Variants in KHDRBS2 observed in about 807,000 individuals in gnomAD.
The protein encoded by KHDRBS2 is KH RNA binding domain containing, signal transduction associated 2.
A neutral mutation model predicts 44.3 loss-of-function variants in KHDRBS2; 26 were observed. The ratio of observed to expected loss-of-function variants is 0.59; its 90% CI spans 0.43 to 0.81. The LOEUF (loss-of-function observed/expected upper bound fraction) is 0.81, where lower values mean the gene tolerates loss of function less well. Ranked by LOEUF, KHDRBS2 falls within the 40% of genes least tolerant of loss-of-function variation. The pLI is 0.00. For missense variants in KHDRBS2, 476 were observed against 433.1 expected (o/e 1.10, Z -0.88); for synonymous variants, 194 against 151.1 (o/e 1.28, Z -2.08).
intron 7 of KHDRBS2, among the ~76,000 whole-genome samples, chr6:61,706,472 G>C (rs1769575781): frequency 6.6e-6 from 1 of 151,816 alleles, no homozygotes; most frequent in Non-Finnish European, 1.5e-5. Flanking sequence ...CATGGGCTGA[G>C]AGATTTAGAT....
At chr6:61,791,601 A>T (rs1312671576) in intron 6 of KHDRBS2, among the ~76,000 whole-genome samples, 1 of 151,468 alleles carries the variant, frequency 6.6e-6, no homozygotes, top group Non-Finnish European at 1.5e-5. Context: ...TCTTTTCATG[A>T]TAAATTATCC....
intron 2 of KHDRBS2, among the ~76,000 whole-genome samples, chr6:62,160,525 C>T (rs1488854548): frequency 6.6e-6 from 1 of 152,078 alleles, no homozygotes; most frequent in South Asian, 2.1e-4. Context: ...ATTGCAAACC[C>T]CTGTCTTTTA....
chr6:62,051,845 G>T (rs1789137943), intron 2 of KHDRBS2, among the ~76,000 whole-genome samples: 1 of 151,598 alleles, frequency 6.6e-6, no homozygotes, highest in Non-Finnish European at 1.5e-5. Context: ...CTTATAAAAA[G>T]AAATAAAAAT....
intron 6 of KHDRBS2, among the ~76,000 whole-genome samples, chr6:61,882,337 C>T (rs185999911): frequency 7.6e-4 from 115 of 152,048 alleles, no homozygotes; most frequent in African/African-American, 2.7e-3. Context: ...AAACTCACTT[C>T]ATACGGGTGT....
the KHDRBS2 span, among the ~76,000 whole-genome samples, chr6:61,640,390 T>C: frequency 9.2e-5 from 14 of 152,136 alleles, no homozygotes; most frequent in South Asian, 2.1e-4. Flanking sequence ...TATTCAGTTA[T>C]TTAAGACACT....
intron 1 of KHDRBS2, among the ~76,000 whole-genome samples, chr6:62,201,910 A>G (rs1457836522): frequency 6.6e-6 from 1 of 152,050 alleles, no homozygotes; most frequent in African/African-American, 2.4e-5. Context: ...AGAGCATATG[A>G]AATATATCTC....
chr6:61,887,817 C>T (rs1465875286), intron 6 of KHDRBS2, among the ~76,000 whole-genome samples: 5 of 152,106 alleles, frequency 3.3e-5, no homozygotes, highest in Non-Finnish European at 5.9e-5. Flanking sequence ...TTTTGTTTTT[C>T]TTACCCCTTG....
chr6:61,955,110 A>T (rs1310125676), intron 4 of KHDRBS2, among the ~76,000 whole-genome samples: 3 of 144,076 alleles, frequency 2.1e-5, no homozygotes, highest in Admixed American at 6.9e-5. Flanking sequence ...ATATATACAC[A>T]TATGTGTATA....
chr6:62,140,333 C>T (rs890241436), intron 2 of KHDRBS2, among the ~76,000 whole-genome samples: 6 of 152,088 alleles, frequency 3.9e-5, no homozygotes, highest in South Asian at 2.1e-4. Context: ...CAGTTAATGT[C>T]GATCTTAGGT....
intron 6 of KHDRBS2, among the ~76,000 whole-genome samples, chr6:61,830,106 T>C (rs1046095700): frequency 1.3e-5 from 2 of 152,084 alleles, no homozygotes; most frequent in Non-Finnish European, 2.9e-5. Flanking sequence ...AAAAGAAATA[T>C]AAAATATAAT....
At chr6:61,976,387 A>T (rs1323133151) in intron 4 of KHDRBS2, among the ~76,000 whole-genome samples, 1 of 152,140 alleles carries the variant, frequency 6.6e-6, no homozygotes, top group Non-Finnish European at 1.5e-5. Flanking sequence ...TCTGTCTAGG[A>T]AGTGAGCAAG....
chr6:62,143,067 AAC>A lies in KHDRBS2; in HGVS notation c.219+34116_219+34117del, dbSNP rs1813193238. Among the ~76,000 whole-genome samples, 5 of 151,946 alleles carry A rather than the reference AAC, an allele frequency of 3.3e-5. No individual in the cohort carries two copies. The South Asian group carries it at 1.0e-3, about 31-fold the overall frequency. On this transcript the variant is annotated intron_variant, in intron 2 of 8. Transcript: ENST00000281156. ...GCATCTGTGAAATCTTAAGCTCAAT[AAC>A]AGAGTTACCTTAAAGCTAATTATAA...
the KHDRBS2 span, among the ~76,000 whole-genome samples, chr6:61,619,611 C>T: frequency 2.1e-3 from 323 of 152,218 alleles, 3 homozygotes; most frequent in African/African-American, 6.5e-3. Flanking sequence ...TGTGCCACCA[C>T]GCCTGGCTAA....
intron 3 of KHDRBS2, among the ~76,000 whole-genome samples, chr6:62,027,695 A>G (rs1584245034): frequency 1.3e-5 from 2 of 152,086 alleles, no homozygotes; most frequent in Admixed American, 1.3e-4. Context: ...TGCTTATGAA[A>G]TGCAGCCGCC....
intron 2 of KHDRBS2, among the ~76,000 whole-genome samples, chr6:62,176,958 A>T (rs1229218892): frequency 6.6e-6 from 1 of 151,364 alleles, no homozygotes; most frequent in African/African-American, 2.4e-5. Flanking sequence ...ATATCTGATT[A>T]TGCCTCCTAC....
chr6:61,794,541 C>G (rs532505356), intron 6 of KHDRBS2, among the ~76,000 whole-genome samples: 1 of 152,040 alleles, frequency 6.6e-6, no homozygotes, highest in South Asian at 2.1e-4. Flanking sequence ...TGAGAATTAA[C>G]TAATAGATCA....
chr6:61,772,628 CTTTTATTTTA>C (rs546857899), intron 6 of KHDRBS2, among the ~76,000 whole-genome samples: 15 of 151,450 alleles, frequency 9.9e-5, no homozygotes, highest in South Asian at 8.3e-4. Flanking sequence ...AGTTGATTCT[CTTTTATTTTA>C]TTTTATTTTA....
chr6:62,230,225 A>G (rs995171721), intron 1 of KHDRBS2, among the ~76,000 whole-genome samples: 3 of 152,194 alleles, frequency 2.0e-5, no homozygotes, highest in African/African-American at 7.2e-5. Flanking sequence ...AATGTTTCAT[A>G]AAATGTTACA....
intron 4 of KHDRBS2, among the ~76,000 whole-genome samples, chr6:61,956,512 A>G (rs1767363809): frequency 6.6e-6 from 1 of 152,132 alleles, no homozygotes; most frequent in Non-Finnish European, 1.5e-5. Flanking sequence ...CAGGATACTA[A>G]CCATTACAGC....
Sources: allele counts gnomAD v4.1 joint callset (sites outside exome capture counted in the v4.1 genomes callset), GRCh38; gene constraint gnomAD v4.1.1; transcripts MANE v1.5; gene names NCBI Gene and HGNC (gene_info 2026-07-23, HGNC 2026-07-21).